The following LRP1B variants were observed in gnomAD, a reference collection of about 807,000 sequenced individuals.
LRP1B encodes low-density lipoprotein receptor-related protein 1B.
In LRP1B, 217 loss-of-function variants were observed where a neutral mutation model predicts 556.6. The ratio of observed to expected loss-of-function variants is 0.39; its 90% CI spans 0.35 to 0.44. The LOEUF (loss-of-function observed/expected upper bound fraction) is 0.44. Among genes scored for constraint, LRP1B ranks in the 20% least tolerant of loss-of-function variants. The probability of loss-of-function intolerance (pLI) is 1.00; values close to 1 mark genes in which losing one functional copy is unlikely to be tolerated. For missense variants in LRP1B, 5,053 were observed against 5,620.8 expected (o/e 0.90, Z 3.23); for synonymous variants, 2,047 against 1,865.8 (o/e 1.10, Z -2.50).
chr2:141,332,449 A>G lies in LRP1B; in HGVS notation c.344-77808T>C, dbSNP rs1362908486. On this transcript the variant is annotated intron_variant, in intron 3 of 90. Coordinates refer to ENST00000389484, the MANE Select transcript of LRP1B (RefSeq NM_018557.3). ...GGATTGCTTCTCCCATATCTAACTG[A>G]AAAAAAAAAAAAGCATGAATTTTAT... Among the ~76,000 whole-genome samples the G allele has an allele frequency of 8.5e-5, 3 of 35,222 alleles. No homozygotes were observed. The South Asian group carries it at 1.9e-3, about 22-fold the overall frequency. 23.1% of individuals were successfully genotyped at this position (35,222 alleles called of 152,430 possible). A position where few individuals can be genotyped will look rare whatever the true frequency, so the allele number is the denominator to read the frequency against.
At chr2:140,716,565 G>A (rs1450010741) in intron 36 of LRP1B, 117 bp downstream of exon 36, 43 of 1,011,852 alleles carry the variant, frequency 4.2e-5, no homozygotes, top group South Asian at 2.2e-4. Context: ...ATTTACCCCT[G>A]TGGCTAGAAG....
At chr2:141,249,590 C>G (rs1012910665) in intron 4 of LRP1B, among the ~76,000 whole-genome samples, 1 of 149,808 alleles carries the variant, frequency 6.7e-6, no homozygotes, top group Non-Finnish European at 1.5e-5. Flanking sequence ...GGCTCTGTCT[C>G]AAAATAAAAT....
chr2:142,052,213 A>G (rs1365236270), intron 1 of LRP1B, among the ~76,000 whole-genome samples: 1 of 152,134 alleles, frequency 6.6e-6, no homozygotes, highest in Non-Finnish European at 1.5e-5. Context: ...CTGAGTATTA[A>G]GTCTAACTGA....
In LRP1B at chr2:140,958,122, A is replaced by T. The variant is rs905356751; in HGVS notation, c.2888-6182T>A. Among the ~76,000 whole-genome samples, 8 of 151,558 alleles carry T rather than the reference A, an allele frequency of 5.3e-5. No individual in the cohort carries two copies. In the East Asian group the frequency reaches 1.3e-3, roughly 26 times the overall value. ...TAAAATTTCCACATGGGACAAAAAA[A>T]ATTAAACTTACCAATAATAATAATT... On this transcript the variant is annotated intron_variant, in intron 18 of 90. Coordinates refer to ENST00000389484, the MANE Select transcript of LRP1B (RefSeq NM_018557.3).
intron 20 of LRP1B, among the ~76,000 whole-genome samples, chr2:140,944,082 G>T (rs1573906898): frequency 6.6e-6 from 1 of 152,042 alleles, no homozygotes; most frequent in East Asian, 1.9e-4. Flanking sequence ...AGAGGACAAT[G>T]GTGACATTAC....
chr2:140,702,541 C>G lies in LRP1B; in HGVS notation c.6036G>C (p.Trp2012Cys), dbSNP rs2105430885. Reference protein sequence around the residue: ...AVHPEKGLLFWTEWGQMPCIG... With the variant: ...AVHPEKGLLFCTEWGQMPCIG... ...TACAGGGCATTTGTCCCCATTCAGT[C>G]CAGAACAAGAGGCTGAAATTAAATT... The change falls in exon 38 of 91, where the codon TGG (tryptophan) becomes TGC (cysteine). Residue 2012 changes from tryptophan to cysteine, a missense_variant. This residue lies in a region of LRP1B where 3,619 missense variants were observed against 3,931.9 expected (regional missense o/e 0.92). Transcript: ENST00000389484. 3 of 1,613,102 alleles carry G rather than the reference C, an allele frequency of 1.9e-6. No individual in the cohort carries two copies. Among genetic ancestry groups the G allele is most frequent in the Non-Finnish European group, 2.5e-6 (3 of 1,179,442 alleles).
At chr2:141,838,900 GGTTAAGGTCAA>G (rs754016586) in intron 1 of LRP1B, among the ~76,000 whole-genome samples, 21 of 152,088 alleles carry the variant, frequency 1.4e-4, no homozygotes, top group Non-Finnish European at 2.5e-4. Flanking sequence ...TCCTATTACA[GGTTAAGGTCAA>G]GTTAAGAAGC....
intron 41 of LRP1B, among the ~76,000 whole-genome samples, chr2:140,606,722 C>A (rs887571132): frequency 6.6e-6 from 1 of 151,986 alleles, no homozygotes; most frequent in African/African-American, 2.4e-5. Flanking sequence ...GTACTCCCAA[C>A]AATTGTATAG....
At chr2:141,294,712 C>G (rs1686114987) in intron 3 of LRP1B, among the ~76,000 whole-genome samples, 1 of 148,762 alleles carries the variant, frequency 6.7e-6, no homozygotes, top group Non-Finnish European at 1.5e-5. Context: ...TGCATGCCAG[C>G]CTGGTTGACA....
At chr2:142,000,718 G>T (rs1342324026) in intron 1 of LRP1B, among the ~76,000 whole-genome samples, 1 of 152,096 alleles carries the variant, frequency 6.6e-6, no homozygotes, top group Non-Finnish European at 1.5e-5. Context: ...CACTCTATAT[G>T]TATTCATTTA....
intron 2 of LRP1B, among the ~76,000 whole-genome samples, chr2:141,714,449 C>CTT (rs11371831): frequency 2.3e-5 from 3 of 128,330 alleles, no homozygotes; most frequent in Non-Finnish European, 3.4e-5. Context: ...TCTGTAGGCT[C>CTT]TTTTTTTTTT....
intron 2 of LRP1B, among the ~76,000 whole-genome samples, chr2:141,769,790 TC>T (rs1694839259): frequency 6.6e-6 from 1 of 150,808 alleles, no homozygotes; most frequent in South Asian, 2.1e-4. Flanking sequence ...TCTTTCAGCC[TC>T]TCAATTCTTA....
rs185753418 is a variant in LRP1B at position 141,973,274 on chromosome 2, C to A, written c.82+157374G>T. ...TTATTGATTAAAATCAACATCATGG[C>A]TAAATGAAAAATAAAGAAATTTTAG... is the stretch of plus-strand genomic sequence containing the variant. On this transcript the variant is annotated intron_variant, in intron 1 of 90. Coordinates refer to ENST00000389484, the MANE Select transcript of LRP1B (RefSeq NM_018557.3). Among the ~76,000 whole-genome samples, 406 of 151,598 alleles carry A rather than the reference C, an allele frequency of 2.7e-3. 2 individuals carry two copies. The highest frequency in any genetic ancestry group is 9.1e-3 in the African/African-American group (376 of 41,434).
chr2:141,244,263 A>C (rs577126240), intron 5 of LRP1B, among the ~76,000 whole-genome samples: 21 of 152,140 alleles, frequency 1.4e-4, no homozygotes, highest in Admixed American at 5.9e-4. Flanking sequence ...CCATTGCATC[A>C]CTTTGGCTTG....
At chr2:141,448,078 C>T (rs1050910161) in intron 3 of LRP1B, among the ~76,000 whole-genome samples, 1 of 152,240 alleles carries the variant, frequency 6.6e-6, no homozygotes, top group Admixed American at 6.5e-5. Flanking sequence ...AAGATCCTGA[C>T]TGGGGCTGCT....
In LRP1B at chr2:141,266,184, G is replaced by T. The variant is rs148157475; in HGVS notation, c.344-11543C>A. ...CCAAAAATACAAACAATTTGCCGGG[G>T]GTGATGGCAGGCGCCTGTAAAACCA... On this transcript the variant is annotated intron_variant, in intron 3 of 90. Coordinates refer to ENST00000389484, the MANE Select transcript of LRP1B (RefSeq NM_018557.3). 4.3e-3 allele frequency among the ~76,000 whole-genome samples: 659 copies of T among 152,086 alleles called. 5 individuals are homozygous for T. The highest frequency in any genetic ancestry group is 0.011 in the African/African-American group (456 of 41,516).
chr2:141,849,024 G>A (rs1396419324), intron 1 of LRP1B, among the ~76,000 whole-genome samples: 4 of 151,432 alleles, frequency 2.6e-5, no homozygotes, highest in African/African-American at 4.8e-5. Flanking sequence ...AAATAATTTG[G>A]TTTTCCTTAT....
intron 7 of LRP1B, among the ~76,000 whole-genome samples, chr2:141,103,669 C>A (rs1283426918): frequency 1.3e-5 from 2 of 149,990 alleles, no homozygotes; most frequent in Non-Finnish European, 3.0e-5. Flanking sequence ...TCAATTCTTG[C>A]CAATACAACT....
chr2:141,728,251 A>C (rs1288826770), intron 2 of LRP1B, among the ~76,000 whole-genome samples: 1 of 152,136 alleles, frequency 6.6e-6, no homozygotes, highest in Non-Finnish European at 1.5e-5. Flanking sequence ...ATTCTCACTC[A>C]TTCTTCAAAA....
Sources: gnomAD v4.1 joint callset for allele counts (sites outside exome capture counted in the v4.1 genomes callset) on GRCh38, gnomAD v4.1.1 for gene constraint, gnomAD v4.1.1 regional missense constraint, MANE v1.5 for transcripts, NCBI Gene and HGNC (gene_info 2026-07-23, HGNC 2026-07-21) for gene names.